Variants in CNTN5 observed in about 807,000 individuals in gnomAD.
CNTN5 encodes contactin 5, also known as contactin-5.
In CNTN5, 77 loss-of-function variants were observed where a neutral mutation model predicts 129.1. That is an observed-to-expected ratio of 0.60 (90% CI 0.50 to 0.72). CNTN5 has a LOEUF of 0.72. Ranked by LOEUF, CNTN5 falls within the 30% of genes least tolerant of loss-of-function variation. The pLI is 0.00. For synonymous variants in CNTN5, 509 were observed against 465.6 expected (o/e 1.09, Z -1.20); for missense variants, 1,478 against 1,328.8 (o/e 1.11, Z -1.75).
intron 13 of CNTN5, among the ~76,000 whole-genome samples, chr11:100,126,138 C>T (rs1221000997): frequency 6.6e-6 from 1 of 152,014 alleles, no homozygotes; most frequent in Non-Finnish European, 1.5e-5. Context: ...TATTGGTTTA[C>T]AGTTGTATTC....
At chr11:99,056,603 A>G (rs1448188848) in intron 1 of CNTN5, among the ~76,000 whole-genome samples, 7 of 152,032 alleles carry the variant, frequency 4.6e-5, no homozygotes, top group Non-Finnish European at 8.8e-5. Flanking sequence ...AATCACCAAT[A>G]TGATGTTCTA....
At chr11:99,785,722 TCATAAA>T (rs1406988803) in intron 3 of CNTN5, among the ~76,000 whole-genome samples, 8 of 152,080 alleles carry the variant, frequency 5.3e-5, no homozygotes, top group Admixed American at 1.3e-4. Flanking sequence ...ACATAATCTA[TCATAAA>T]CATAAACAGA....
chr11:100,293,199 A>T (rs1168447770), intron 18 of CNTN5, among the ~76,000 whole-genome samples: 4 of 151,864 alleles, frequency 2.6e-5, no homozygotes, highest in Non-Finnish European at 5.9e-5. Context: ...ATATAAACAA[A>T]GGGAATATGA....
At chr11:99,885,774 C>T (rs758890655) in intron 6 of CNTN5, among the ~76,000 whole-genome samples, 22 of 152,050 alleles carry the variant, frequency 1.4e-4, no homozygotes, top group South Asian at 4.2e-4. Flanking sequence ...ATGAGAAAAA[C>T]GGCACAACTC....
intron 1 of CNTN5, among the ~76,000 whole-genome samples, chr11:99,071,272 T>A (rs566511968): frequency 6.6e-6 from 1 of 152,162 alleles, no homozygotes; most frequent in Non-Finnish European, 1.5e-5. Context: ...CAGAGGTTTT[T>A]TTTGTTTTGT....
At chr11:99,891,499 G>C (rs1949058340) in intron 6 of CNTN5, among the ~76,000 whole-genome samples, 1 of 151,608 alleles carries the variant, frequency 6.6e-6, no homozygotes, top group African/African-American at 2.4e-5. Flanking sequence ...CCCCCCAACA[G>C]GCCCAGGTAT....
At chr11:99,455,688 C>T (rs972862571) in intron 2 of CNTN5, among the ~76,000 whole-genome samples, 1 of 151,746 alleles carries the variant, frequency 6.6e-6, no homozygotes, top group African/African-American at 2.4e-5. Flanking sequence ...CCGTACCTGC[C>T]AACCAAAGCA....
In CNTN5 at chr11:100,041,498, A is replaced by G. The variant is rs958910875; in HGVS notation, c.981-19714A>G. 5.3e-5 allele frequency among the ~76,000 whole-genome samples: 8 copies of G among 152,294 alleles called. No individual in the cohort carries two copies. The South Asian group carries it at 8.3e-4, about 16-fold the overall frequency. ...GTTATTTCAGAAATTTCTCTTGGCT[A>G]CTTTCAAACTTACTCTTGTTCCTTG... On this transcript the variant is annotated intron_variant, in intron 9 of 24. Coordinates refer to ENST00000524871, the MANE Select transcript of CNTN5 (RefSeq NM_014361.4).
chr11:99,129,981 A>G (rs1183278750), intron 1 of CNTN5, among the ~76,000 whole-genome samples: 1 of 152,226 alleles, frequency 6.6e-6, no homozygotes, highest in East Asian at 1.9e-4. Context: ...CATGAAAAGG[A>G]GAAAGTGTTA....
chr11:99,068,642 G>A (rs1201514302), intron 1 of CNTN5, among the ~76,000 whole-genome samples: 1 of 152,132 alleles, frequency 6.6e-6, no homozygotes, highest in Non-Finnish European at 1.5e-5. Context: ...GCTGCGAAGA[G>A]CCCCAGAGAA....
intron 2 of CNTN5, among the ~76,000 whole-genome samples, chr11:99,361,100 G>A (rs968411762): frequency 6.6e-6 from 1 of 151,986 alleles, no homozygotes; most frequent in Non-Finnish European, 1.5e-5. Context: ...CCAATAATAT[G>A]TTCCTTATTT....
intron 15 of CNTN5, among the ~76,000 whole-genome samples, chr11:100,194,398 T>C (rs1447630516): frequency 2.0e-5 from 3 of 151,940 alleles, no homozygotes; most frequent in Non-Finnish European, 4.4e-5. Flanking sequence ...TTGGCTGGAA[T>C]CTTCCTTCTA....
rs374232408 is a variant in CNTN5, at chr11:100,094,471, ACTTTTAAAC to A, written c.1580+20185_1580+20193del. On this transcript the variant is annotated intron_variant, in intron 13 of 24. Transcript: ENST00000524871. Reference sequence around the variant, plus strand: ...GCCTTGATTTTTAAAGAGTCAGTCGACTTTTAAACCTTTTAAGACTTTAATGTTATCAAA... The same window carrying A: ...GCCTTGATTTTTAAAGAGTCAGTCGACTTTTAAGACTTTAATGTTATCAAA... Among the ~76,000 whole-genome samples, 848 of 152,282 alleles carry A rather than the reference ACTTTTAAAC, an allele frequency of 5.6e-3. 7 individuals carry two copies. Among genetic ancestry groups the A allele is most frequent in the African/African-American group, 0.019 (802 of 41,566 alleles).
chr11:99,546,627 T>C (rs1293733325), intron 2 of CNTN5, among the ~76,000 whole-genome samples: 1 of 152,238 alleles, frequency 6.6e-6, no homozygotes, highest in Non-Finnish European at 1.5e-5. Context: ...TAGGTAGTAT[T>C]GGAAGTTATC....
intron 6 of CNTN5, among the ~76,000 whole-genome samples, chr11:99,890,390 T>C (rs1949026073): frequency 6.6e-6 from 1 of 151,986 alleles, no homozygotes; most frequent in Admixed American, 6.6e-5. Flanking sequence ...CTTCCTTATA[T>C]ATATATATCA....
chr11:99,356,174 A>G (rs1458542849), intron 2 of CNTN5, among the ~76,000 whole-genome samples: 4 of 138,124 alleles, frequency 2.9e-5, no homozygotes, highest in Non-Finnish European at 6.1e-5. Flanking sequence ...TACACTATAT[A>G]TAATGCCTTA....
intron 3 of CNTN5, among the ~76,000 whole-genome samples, chr11:99,720,387 A>G (rs1171868268): frequency 3.3e-5 from 5 of 152,184 alleles, no homozygotes; most frequent in Non-Finnish European, 7.3e-5. Context: ...TTCATTACAT[A>G]AACAGAACTA....
chr11:99,572,482 A>G (rs762265778), intron 3 of CNTN5, among the ~76,000 whole-genome samples: 3 of 152,172 alleles, frequency 2.0e-5, no homozygotes, highest in Non-Finnish European at 4.4e-5. Context: ...GGTCCTTTTT[A>G]GTTTGCCTAA....
chr11:99,125,318 A>G (rs111551176), intron 1 of CNTN5, among the ~76,000 whole-genome samples: 5,010 of 150,260 alleles, frequency 0.033, 117 homozygotes, highest in South Asian at 0.068. Context: ...CCAATCAATA[A>G]ATGTCATTCA....
Sources: allele counts gnomAD v4.1 joint callset (sites outside exome capture counted in the v4.1 genomes callset), GRCh38; gene constraint gnomAD v4.1.1; transcripts MANE v1.5; gene names NCBI Gene and HGNC (gene_info 2026-07-23, HGNC 2026-07-21).